The following ST3GAL3 variants were observed in gnomAD, a reference collection of about 807,000 sequenced individuals.
ST3GAL3 encodes ST3 beta-galactoside alpha-2,3-sialyltransferase 3.
Under a neutral mutation model 50.1 loss-of-function variants are expected in ST3GAL3, and 21 were observed. That is an observed-to-expected ratio of 0.42 (90% CI 0.30 to 0.60). The LOEUF (loss-of-function observed/expected upper bound fraction) is 0.60, where lower values mean the gene tolerates loss of function less well. Among genes scored for constraint, ST3GAL3 ranks in the 20% least tolerant of loss-of-function variants. The pLI, the probability that ST3GAL3 is intolerant of heterozygous loss-of-function variation, is 0.19. For synonymous variants in ST3GAL3, 183 were observed against 190.0 expected, an observed-to-expected ratio of 0.96 and a Z score of 0.30; for missense variants, 353 against 489.4, an observed-to-expected ratio of 0.72 and a Z score of 2.63.
At chr1:43,879,300 CT>C (rs1181946276) in intron 5 of ST3GAL3, 1 of 456,046 alleles carries the variant, frequency 2.2e-6, no homozygotes, top group African/African-American at 2.0e-5. Flanking sequence ...GCATTGGGCC[CT>C]TTAACCTGTG....
rs1266915142 is a variant in ST3GAL3 at position 43,899,290 on chromosome 1, G to A, written c.557+27G>A. ...TGAGCTCCCCAAAATGGCACCTCGGGTGAGTGTCGTGGCCCCAACCCTTAG... is the reference window on the plus strand; with the variant it reads ...TGAGCTCCCCAAAATGGCACCTCGGATGAGTGTCGTGGCCCCAACCCTTAG... On this transcript the variant is annotated intron_variant, in intron 8 of 11. Transcript: ENST00000347631. The surrounding 1 kb of genome is among the most constrained non-coding windows in gnomAD (Gnocchi z 5.4). 1.9e-6 allele frequency: 3 copies of A among 1,614,196 alleles called. No individual in the cohort carries two copies. The highest frequency in any genetic ancestry group is 2.7e-5 in the African/African-American group (2 of 75,056).
In ST3GAL3 at chr1:43,736,235, C is replaced by A; in HGVS notation, c.-28C>A. The A allele has an allele frequency of 1.9e-6, 3 of 1,613,932 alleles. No homozygotes were observed. The South Asian group carries it at 3.3e-5, about 18-fold the overall frequency. On this transcript the variant is annotated splice_region_variant and 5_prime_UTR_variant, in exon 2 of 12. Transcript: ENST00000347631. Reference sequence around the variant, plus strand: ...GAACTAAACTTTTTCTTTTCTAGGTCATTTAGGAAATCGTAAATCATGTGA... The same window carrying A: ...GAACTAAACTTTTTCTTTTCTAGGTAATTTAGGAAATCGTAAATCATGTGA...
intron 3 of ST3GAL3, among the ~76,000 whole-genome samples, chr1:43,793,705 T>C (rs995947850): frequency 2.0e-5 from 3 of 152,214 alleles, no homozygotes; most frequent in Non-Finnish European, 4.4e-5. Flanking sequence ...AAAACTTGCA[T>C]CTATTTGTAT....
At chr1:43,764,219 A>G (rs1187032387) in intron 2 of ST3GAL3, among the ~76,000 whole-genome samples, 1 of 152,218 alleles carries the variant, frequency 6.6e-6, no homozygotes, top group African/African-American at 2.4e-5. Flanking sequence ...AGACAATTTC[A>G]GAGCTCCTTT....
At chr1:43,897,043 T>C (rs890604412) in intron 6 of ST3GAL3, among the ~76,000 whole-genome samples, 21 of 152,168 alleles carry the variant, frequency 1.4e-4, no homozygotes, top group African/African-American at 5.1e-4. Context: ...ATTGATTTTT[T>C]TTTTTTAATG....
intron 2 of ST3GAL3, among the ~76,000 whole-genome samples, chr1:43,776,660 A>G (rs1697358335): frequency 6.6e-6 from 1 of 152,172 alleles, no homozygotes; most frequent in South Asian, 2.1e-4. Flanking sequence ...ACTGCTTTCC[A>G]AAGCTGCTAC....
rs1454039083 is a variant in ST3GAL3, at chr1:43,716,857, A to C, written c.-31+9164A>C. ...ACTTTGAGTGCCCTTCGAGGTGTACATCCCGTACATCCCCTCTTTGAGGGC... is the reference window on the plus strand; with the variant it reads ...ACTTTGAGTGCCCTTCGAGGTGTACCTCCCGTACATCCCCTCTTTGAGGGC... On this transcript the variant is annotated intron_variant, in intron 1 of 11. Transcript: ENST00000347631. Among the ~76,000 whole-genome samples, 4 of 152,320 alleles carry C rather than the reference A, an allele frequency of 2.6e-5. No individual in the cohort carries two copies. The East Asian group carries it at 7.7e-4, about 29-fold the overall frequency.
At position 43,718,411 on chromosome 1, in the gene ST3GAL3, G is replaced by A. The variant is rs539961384; in HGVS notation, c.-31+10718G>A. Among the ~76,000 whole-genome samples, 440 of 151,114 alleles carry A rather than the reference G, an allele frequency of 2.9e-3. 3 individuals are homozygous for A. The highest frequency in any genetic ancestry group is 4.6e-3 in the Non-Finnish European group (314 of 67,784). On this transcript the variant is annotated intron_variant, in intron 1 of 11. Transcript: ENST00000347631. ...TCACTGTGTTAGCCAGGATGGTCTCGATCTCCCGATCTCATGATCCGCCCG... is the reference window on the plus strand; with the variant it reads ...TCACTGTGTTAGCCAGGATGGTCTCAATCTCCCGATCTCATGATCCGCCCG...
intron 5 of ST3GAL3, among the ~76,000 whole-genome samples, chr1:43,875,897 CTCTTCTTCTTCTTCTTCTTCT>C (rs66500354): frequency 0.052 from 7,004 of 133,854 alleles, 237 homozygotes; most frequent in East Asian, 0.08. Context: ...TTTAGAATTT[CTCTTCTTCTTCTTCTTCTTCT>C]TCTTCTTCTT....
intron 3 of ST3GAL3, among the ~76,000 whole-genome samples, chr1:43,810,000 A>G (rs994612945): frequency 5.9e-5 from 9 of 151,490 alleles, no homozygotes; most frequent in African/African-American, 1.2e-4. Context: ...CTCAAAAAAA[A>G]AAAAAAAAAG....
At chr1:43,838,190 A>G in intron 4 of ST3GAL3, 29 bp from the exon 5 acceptor site, 2 of 1,566,002 alleles carry the variant, frequency 1.3e-6, no homozygotes, top group East Asian at 2.3e-5. Context: ...AGTGCCTGGC[A>G]AGCTGTAACT....
chr1:43,920,415 T>A lies in ST3GAL3; in HGVS notation c.756T>A (p.Asp252Glu). Residue 252 changes from aspartate to glutamate, a missense_variant, in exon 10 of 12, where the codon GAT becomes GAA. Transcript: ENST00000347631. ...TGCTGTGTCCACAGAGTGCATCGGA[T>A]GGCTTCTGGAAATCTGTGGCCACTC... ...IVYKERVSAS[D>E]GFWKSVATRV... 6.2e-7 allele frequency: 1 copy of A among 1,614,114 alleles called. No homozygotes were observed. The highest frequency in any genetic ancestry group is 8.5e-7 in the Non-Finnish European group (1 of 1,180,026).
rs2077863533 is a variant in ST3GAL3 at position 43,899,257 on chromosome 1, T to C, written c.551T>C (p.Val184Ala). Residue 184 changes from valine to alanine, a missense_variant, in exon 8 of 12, where the codon GTG (valine) becomes GCG (alanine). By Grantham distance (64) the Val-to-Ala change is moderately conservative (BLOSUM62 0). Transcript: ENST00000347631. This position sits in a 1 kb window ranked among gnomAD's most constrained non-coding sequence, Gnocchi z 5.4. ...TCACGAATTGACGACTATGACATTG[T>C]GGTGAGGTGAGCTCCCCAAAATGGC... ...LGSRIDDYDI[V>A]VRLNSAPVKG... The C allele has an allele frequency of 6.2e-7, 1 of 1,614,094 alleles. No homozygotes were observed. Among genetic ancestry groups the C allele is most frequent in the African/African-American group, 1.3e-5 (1 of 74,944 alleles).
chr1:43,921,665 C>A, intron 11 of ST3GAL3: 1 of 398,806 alleles, frequency 2.5e-6, no homozygotes, highest in Non-Finnish European at 4.4e-6. Flanking sequence ...TGGTCTCAGC[C>A]CTCATTCCTG....
At chr1:43,801,672 G>A (rs1317161929) in intron 3 of ST3GAL3, 1 of 203,216 alleles carries the variant, frequency 4.9e-6, no homozygotes, top group Non-Finnish European at 1.0e-5. Flanking sequence ...GTGATGAACA[G>A]GCCAGGTATG....
rs1190143869 is a variant in ST3GAL3, at chr1:43,930,330, G to A, written c.*109G>A. 1.6e-5 allele frequency: 17 copies of A among 1,051,556 alleles called. No homozygotes were observed. In the Admixed American group the frequency reaches 2.1e-4, roughly 13 times the overall value. 65.1% of individuals were successfully genotyped at this position (1,051,556 alleles called of 1,614,324 possible). On this transcript the variant is annotated 3_prime_UTR_variant, in exon 12 of 12. Transcript: ENST00000347631. ...GAGAAGGACGGTGCCAAGGGCCCCA[G>A]GGGCAGCAAGGCCTTGGTGGAGCAG...
rs535609517 is a variant in ST3GAL3, at chr1:43,736,417, C to CT, written c.118+38dup. 46 of 1,614,132 alleles carry CT rather than the reference C, an allele frequency of 2.8e-5. 1 individual carries two copies. The South Asian group carries it at 4.7e-4, about 17-fold the overall frequency. On this transcript the variant is annotated intron_variant, in intron 2 of 11. Coordinates refer to ENST00000347631, the MANE Select transcript of ST3GAL3 (RefSeq NM_006279.5). ...CACTCTAGCTCACCCCAGGAGAAGC[C>CT]TGTTGCAGGTCAGTTACTGGTTTTT...
intron 9 of ST3GAL3, among the ~76,000 whole-genome samples, chr1:43,907,506 C>T (rs755962200): frequency 6.6e-5 from 10 of 152,198 alleles, no homozygotes; most frequent in Non-Finnish European, 2.9e-5. Context: ...ATCTTCAATT[C>T]CACTGTACCT....
chr1:43,781,772 A>G (rs896021607), intron 2 of ST3GAL3, among the ~76,000 whole-genome samples: 1 of 152,204 alleles, frequency 6.6e-6, no homozygotes, highest in African/African-American at 2.4e-5. Context: ...TCCTATTTCA[A>G]ACTGGAAGGC....
Sources: allele counts gnomAD v4.1 joint callset (sites outside exome capture counted in the v4.1 genomes callset), GRCh38; gene constraint gnomAD v4.1.1; non-coding constraint Gnocchi (gnomAD v3.1); transcripts MANE v1.5; gene names NCBI Gene and HGNC (gene_info 2026-07-23, HGNC 2026-07-21).